Variants in ITIH5 observed in about 807,000 individuals in gnomAD.
ITIH5 encodes the protein inter-alpha-trypsin inhibitor heavy chain 5.
ITIH5 carries 65 observed loss-of-function variants against 77.5 expected under a neutral mutation model. The ratio of observed to expected loss-of-function variants is 0.84; its 90% CI spans 0.69 to 1.03. ITIH5 has a LOEUF of 1.03. ITIH5 is among the 50% of genes least tolerant of loss of function. The pLI is 0.00. For synonymous variants in ITIH5, 525 were observed against 494.3 expected (o/e 1.06, Z -0.82); for missense variants, 1,208 against 1,213.1 (o/e 1.00, Z 0.06).
At chr10:7,586,758 C>T (rs1832687459) in intron 7 of ITIH5, among the ~76,000 whole-genome samples, 1 of 152,014 alleles carries the variant, frequency 6.6e-6, no homozygotes, top group African/African-American at 2.4e-5. Flanking sequence ...GCTGGAGTGA[C>T]ATGAGGCCTT....
At chr10:7,574,794 GAA>G (rs59563530) in intron 10 of ITIH5, among the ~76,000 whole-genome samples, 14 of 85,636 alleles carry the variant, frequency 1.6e-4, no homozygotes, top group African/African-American at 7.2e-4. Flanking sequence ...CTCCATCTCG[GAA>G]AAAAAAAAAA....
chr10:7,575,836 T>C (rs1385017458), intron 10 of ITIH5, among the ~76,000 whole-genome samples: 1 of 152,250 alleles, frequency 6.6e-6, no homozygotes, highest in Non-Finnish European at 1.5e-5. Flanking sequence ...CTTCCGCCCA[T>C]GCCTGAAACC....
At position 7,579,754 on chromosome 10, in the gene ITIH5, C is replaced by A. The variant is rs776026691; in HGVS notation, c.1418+1G>T. On this transcript the variant is annotated splice_donor_variant, in intron 9 of 13. Coordinates refer to ENST00000397146, the MANE Select transcript of ITIH5 (RefSeq NM_030569.7). LOFTEE classifies it high-confidence loss of function. Reference sequence around the variant, plus strand: ...CATGCCTACGAAGACAGACCACAGACCCGATGAGCTGCGAGCCTGCGTCCT... The same window carrying A: ...CATGCCTACGAAGACAGACCACAGAACCGATGAGCTGCGAGCCTGCGTCCT... 1.9e-6 allele frequency: 3 copies of A among 1,612,576 alleles called. No homozygotes were observed. Among genetic ancestry groups the A allele is most frequent in the Non-Finnish European group, 2.5e-6 (3 of 1,179,536 alleles).
intron 7 of ITIH5, among the ~76,000 whole-genome samples, chr10:7,600,211 A>G (rs1832987257): frequency 6.6e-6 from 1 of 152,208 alleles, no homozygotes; most frequent in Admixed American, 6.5e-5. Context: ...TAAAGGGGGT[A>G]GGTTGGCTGA....
intron 7 of ITIH5, among the ~76,000 whole-genome samples, chr10:7,593,169 C>T (rs1832828434): frequency 6.6e-6 from 1 of 152,130 alleles, no homozygotes; most frequent in Non-Finnish European, 1.5e-5. Flanking sequence ...CTTCCCTCAG[C>T]TCAGCAGCTA....
chr10:7,617,695 C>T (rs1329212299), intron 5 of ITIH5: 2 of 153,112 alleles, frequency 1.3e-5, no homozygotes, highest in Admixed American at 1.3e-4. Context: ...CCTGTAAGAA[C>T]TCTTTTACTA....
At chr10:7,665,412 T>C (rs1834345917) in intron 1 of ITIH5, among the ~76,000 whole-genome samples, 1 of 152,196 alleles carries the variant, frequency 6.6e-6, no homozygotes. Context: ...GCTGACAGTG[T>C]TTTAAGCACT....
intron 7 of ITIH5, among the ~76,000 whole-genome samples, chr10:7,606,111 G>C (rs1368889265): frequency 6.6e-6 from 1 of 152,150 alleles, no homozygotes; most frequent in Non-Finnish European, 1.5e-5. Context: ...AACAGATGCG[G>C]GCAACGTTGC....
chr10:7,637,233 C>G lies in ITIH5; in HGVS notation c.647G>C (p.Gly216Ala). 1 of 1,607,004 alleles carries G rather than the reference C, an allele frequency of 6.2e-7. No individual in the cohort carries two copies. The highest frequency in any genetic ancestry group is 8.5e-7 in the Non-Finnish European group (1 of 1,179,778). ...ACCCAGCACGCAGGACTCACCTTCC[C>G]CGCGCCCACTGCCCCTCTGCCTGCT... ...HNSRQRGSGR[G>A]EDDSGPPPST... The change falls in exon 5 of 14, where the codon GGG becomes GCG. Residue 216 changes from glycine to alanine, a missense_variant. Gly to Ala is a moderately conservative substitution (Grantham distance 60). Transcript: ENST00000397146.
Position 7,617,194 on chromosome 10 carries a change from G to A in ITIH5, c.741C>T (p.Ala247=). The change falls in exon 6 of 14, where the codon GCC becomes GCT. Residue 247 remains alanine (A), a synonymous_variant. Transcript: ENST00000397146. ...CCAAAATTCCATTCTGGGCAATCCT[G>A]GCTTGTTGTACTACAGTAGGTTTAA... ...IIFKPTVVQQ[A]RIAQNGILGD... is the part of the protein sequence containing the mutation. The A allele has an allele frequency of 1.9e-6, 3 of 1,607,370 alleles. No homozygotes were observed. Among genetic ancestry groups the A allele is most frequent in the Non-Finnish European group, 2.5e-6 (3 of 1,177,080 alleles).
chr10:7,617,935 A>G (rs1833401493), intron 5 of ITIH5: 1 of 151,570 alleles, frequency 6.6e-6, no homozygotes. Flanking sequence ...TGCTGCATAT[A>G]TGTGATAAAT....
In ITIH5 at chr10:7,576,532, C is replaced by T; in HGVS notation, c.1899G>A (p.Leu633=). ...CAGCCGACATGCCGTGGGCCTCCTC[C>T]AGGCCATCCATGCGTGGGACCGGCC... ...LRGPVPRMDG[L]EEAHGMSAAM... The change falls in exon 10 of 14, where the codon CTG becomes CTA. Residue 633 remains leucine (L), a synonymous_variant. Transcript: ENST00000397146. 6.2e-7 allele frequency: 1 copy of T among 1,612,962 alleles called. No individual in the cohort carries two copies. The highest frequency in any genetic ancestry group is 8.5e-7 in the Non-Finnish European group (1 of 1,179,984).
intron 5 of ITIH5, chr10:7,622,395 T>A (rs1346377309): frequency 6.6e-6 from 1 of 152,170 alleles, no homozygotes; most frequent in East Asian, 1.9e-4. Flanking sequence ...ATTGTTGAGA[T>A]GTAGTGAGAT....
rs190567154 is a variant in ITIH5, at chr10:7,579,790, C to A, written c.1383G>T (p.Val461=). The A allele has an allele frequency of 6.2e-7, 1 of 1,614,102 alleles. No individual in the cohort carries two copies. The highest frequency in any genetic ancestry group is 2.2e-5 in the East Asian group (1 of 44,868). Residue 461 remains valine (V), a synonymous_variant, in exon 9 of 14, where the codon GTG becomes GTT. Coordinates refer to ENST00000397146, the MANE Select transcript of ITIH5 (RefSeq NM_030569.7). ...GCGAGCCTGCGTCCTCCTCCTCGTG[C>A]ACGCGCCGTGTGAGGCCACAGTTCT... ...SLENCGLTRR[V]HEEEDAGSQL...
At chr10:7,607,822 G>GA (rs904051382) in intron 7 of ITIH5, among the ~76,000 whole-genome samples, 5 of 151,372 alleles carry the variant, frequency 3.3e-5, no homozygotes, top group Non-Finnish European at 7.4e-5. Context: ...CTCGAAAGAA[G>GA]AAAAAAAAAA....
chr10:7,625,569 G>A (rs1007039841), intron 5 of ITIH5, among the ~76,000 whole-genome samples: 3 of 151,958 alleles, frequency 2.0e-5, no homozygotes, highest in African/African-American at 4.8e-5. Context: ...GTTCGAGATC[G>A]GCCTGGCCAA....
intron 2 of ITIH5, among the ~76,000 whole-genome samples, chr10:7,650,516 C>T (rs1217627764): frequency 6.6e-6 from 1 of 152,090 alleles, no homozygotes; most frequent in Non-Finnish European, 1.5e-5. Context: ...TGGTGGATCA[C>T]CTGAGATCAG....
At position 7,574,531 on chromosome 10, in the gene ITIH5, T is replaced by C. The variant is rs181752825; in HGVS notation, c.1979-1336A>G. On this transcript the variant is annotated intron_variant, in intron 10 of 13. Coordinates refer to ENST00000397146, the MANE Select transcript of ITIH5 (RefSeq NM_030569.7). The stretch of plus-strand genomic sequence containing the variant: ...AAAACCGGCCGGGCGCAGTGGCTCA[T>C]GCCTGTAATCCCAGCATTTTGGGAG... Among the ~76,000 whole-genome samples the C allele has an allele frequency of 5.3e-4, 80 of 152,220 alleles. No homozygotes were observed. The East Asian group carries it at 0.013, about 25-fold the overall frequency.
At chr10:7,589,388 A>C (rs981378315) in intron 7 of ITIH5, among the ~76,000 whole-genome samples, 7 of 152,122 alleles carry the variant, frequency 4.6e-5, no homozygotes, top group African/African-American at 1.7e-4. Flanking sequence ...GAACCCGGGC[A>C]GTGGAAGTTG....
Sources: allele counts gnomAD v4.1 joint callset (sites outside exome capture counted in the v4.1 genomes callset), GRCh38; gene constraint gnomAD v4.1.1; transcripts MANE v1.5; gene names NCBI Gene and HGNC (gene_info 2026-07-23, HGNC 2026-07-21).